The following OR4F3 variants were observed in gnomAD, a reference collection of about 807,000 sequenced individuals.
OR4F3 encodes olfactory receptor family 4 subfamily F member 3, also known as olfactory receptor 4F3/4F16/4F29.
At chr5:181,357,164 G>A in the OR4F3 span, among the ~76,000 whole-genome samples, 8 of 135,198 alleles carry the variant, frequency 5.9e-5, 1 homozygote, top group African/African-American at 2.5e-4. Context: ...ATTTGATTTT[G>A]TTATTTTTAA....
chr5:181,356,554 A>G, the OR4F3 span, among the ~76,000 whole-genome samples: 1 of 132,364 alleles, frequency 7.6e-6, no homozygotes, highest in Non-Finnish European at 1.6e-5. Flanking sequence ...CTTCCTCACA[A>G]TGTGGTTTCA....
At chr5:181,357,330 C>A in the OR4F3 span, among the ~76,000 whole-genome samples, 5 of 132,618 alleles carry the variant, frequency 3.8e-5, 1 homozygote, top group Non-Finnish European at 7.9e-5. Context: ...AGTCCTTATA[C>A]AGTTATGGTT....
the OR4F3 span, among the ~76,000 whole-genome samples, chr5:181,359,542 C>T: frequency 1.7e-5 from 2 of 115,344 alleles, 1 homozygote; most frequent in Admixed American, 1.5e-4. Flanking sequence ...TAGACAATGG[C>T]AAAAGGCCTT....
the OR4F3 span, among the ~76,000 whole-genome samples, chr5:181,360,656 C>T: frequency 2.5e-5 from 3 of 122,338 alleles, no homozygotes; most frequent in African/African-American, 1.1e-4. Flanking sequence ...TACCATCCCA[C>T]TTGATCTTCT....
upstream of OR4F3, among the ~76,000 whole-genome samples, chr5:181,362,356 T>C (rs1338033346): frequency 8.6e-6 from 1 of 115,832 alleles, no homozygotes; most frequent in Non-Finnish European, 1.7e-5. Context: ...TCCAGTGTTA[T>C]CTGAAGTGGT....
chr5:181,357,009 A>G, the OR4F3 span, among the ~76,000 whole-genome samples: 1 of 134,458 alleles, frequency 7.4e-6, no homozygotes, highest in African/African-American at 3.0e-5. Flanking sequence ...TTGAAGATTT[A>G]TAGTTTAGTT....
the OR4F3 span, among the ~76,000 whole-genome samples, chr5:181,355,950 TG>T: frequency 1.7e-5 from 1 of 57,186 alleles, no homozygotes; most frequent in African/African-American, 8.5e-5. Flanking sequence ...TCAGTGTGAT[TG>T]TTTTATCTAG....
chr5:181,356,976 G>C, the OR4F3 span, among the ~76,000 whole-genome samples: 6 of 134,504 alleles, frequency 4.5e-5, no homozygotes, highest in African/African-American at 1.8e-4. Context: ...GTGATATTTT[G>C]TATGTACCTA....
upstream of OR4F3, among the ~76,000 whole-genome samples, chr5:181,362,538 G>T (rs557776591): frequency 8.0e-6 from 1 of 124,506 alleles, no homozygotes; most frequent in Non-Finnish European, 1.6e-5. Context: ...TTTTTTTTGG[G>T]GGGGGTGCTG....
At chr5:181,357,135 A>G in the OR4F3 span, among the ~76,000 whole-genome samples, 11 of 133,384 alleles carry the variant, frequency 8.2e-5, 1 homozygote, top group Non-Finnish European at 1.8e-4. Context: ...TTCCTCTCCC[A>G]CCTTCGTCAT....
the OR4F3 span, among the ~76,000 whole-genome samples, chr5:181,357,486 T>A: frequency 1.1e-5 from 1 of 92,414 alleles, no homozygotes; most frequent in East Asian, 2.5e-4. Flanking sequence ...GATGGGGTCT[T>A]GCTATGTTGC....
upstream of OR4F3, among the ~76,000 whole-genome samples, chr5:181,363,631 C>T (rs1761089579): frequency 2.2e-5 from 2 of 89,582 alleles, 1 homozygote; most frequent in South Asian, 7.1e-4. Flanking sequence ...GGTGGTAGAA[C>T]ACAAGGAAAA....
At chr5:181,362,314 C>T (rs1761076381), upstream of OR4F3, among the ~76,000 whole-genome samples, 1 of 112,222 alleles carries the variant, frequency 8.9e-6, no homozygotes, top group Admixed American at 7.7e-5. Context: ...TTACCTTCCT[C>T]CCATTTCTCA....
At chr5:181,356,659 C>T in the OR4F3 span, among the ~76,000 whole-genome samples, 1 of 137,834 alleles carries the variant, frequency 7.3e-6, no homozygotes, top group Non-Finnish European at 1.6e-5. Context: ...TGCTGTTTAC[C>T]CTTTAGATCT....
the OR4F3 span, among the ~76,000 whole-genome samples, chr5:181,359,538 A>G: frequency 8.7e-6 from 1 of 114,578 alleles, no homozygotes; most frequent in African/African-American, 5.5e-5. Context: ...TCTGTAGACA[A>G]TGGCAAAAGG....
chr5:181,356,726 C>T, the OR4F3 span, among the ~76,000 whole-genome samples: 4 of 137,760 alleles, frequency 2.9e-5, no homozygotes, highest in African/African-American at 1.1e-4. Context: ...AAATCCCTCT[C>T]TTATAGTAAT....
At chr5:181,354,504 T>G in the OR4F3 span, among the ~76,000 whole-genome samples, 1 of 132,128 alleles carries the variant, frequency 7.6e-6, no homozygotes, top group South Asian at 2.5e-4. Context: ...GAACCTCTGC[T>G]AAGGCAGTGG....
At chr5:181,354,458 C>G in the OR4F3 span, among the ~76,000 whole-genome samples, 2 of 131,884 alleles carry the variant, frequency 1.5e-5, 1 homozygote, top group Non-Finnish European at 3.2e-5. Context: ...CCTGGATCTC[C>G]AGACAGAAGT....
chr5:181,363,905 C>T (rs541829494), upstream of OR4F3, among the ~76,000 whole-genome samples: 152 of 80,750 alleles, frequency 1.9e-3, 11 homozygotes, highest in South Asian at 0.023. Context: ...TGTCAAAGTC[C>T]GTAGCATCCC....
Sources: gnomAD v4.1 joint callset for allele counts (sites outside exome capture counted in the v4.1 genomes callset) on GRCh38, gnomAD v4.1.1 for gene constraint, MANE v1.5 for transcripts, NCBI Gene and HGNC (gene_info 2026-07-23, HGNC 2026-07-21) for gene names.